Variants in TOGARAM2 observed in about 807,000 individuals in gnomAD.
The protein encoded by TOGARAM2 is TOG array regulator of axonemal microtubules protein 2.
Under a neutral mutation model 93.3 loss-of-function variants are expected in TOGARAM2, and 85 were observed. The ratio of observed to expected loss-of-function variants is 0.91; its 90% confidence interval spans 0.76 to 1.09. The LOEUF (loss-of-function observed/expected upper bound fraction) is 1.09, where lower values mean the gene tolerates loss of function less well. Ranked by LOEUF, TOGARAM2 falls within the 50% of genes least tolerant of loss-of-function variation. TOGARAM2 has a pLI of 0.00. For synonymous variants in TOGARAM2, 593 were observed against 552.8 expected (o/e 1.07, Z -1.02); for missense variants, 1,277 against 1,334.5 (o/e 0.96, Z 0.67).
chr2:29,014,316 A>C lies in TOGARAM2; in HGVS notation c.878-79A>C, dbSNP rs1375668423. 4.0e-6 allele frequency: 6 copies of C among 1,507,386 alleles called. No individual in the cohort carries two copies. The African/African-American group carries it at 6.9e-5, about 17-fold the overall frequency. 93.4% of individuals were successfully genotyped at this position (1,507,386 alleles called of 1,614,324 possible). A position where few individuals can be genotyped will look rare whatever the true frequency, so the allele number is the denominator to read the frequency against. On this transcript the variant is annotated intron_variant, in intron 7 of 19. Transcript: ENST00000379558. ...TTGAGGGTGTGGGGCTTAGCAGTAG[A>C]ATTGAGCCAGCCACAGGGTCAGTGA... is the stretch of plus-strand genomic sequence containing the variant.
intron 1 of TOGARAM2, among the ~76,000 whole-genome samples, chr2:28,983,183 T>TAAATAA (rs1195515581): frequency 8.6e-5 from 4 of 46,678 alleles, no homozygotes; most frequent in Non-Finnish European, 9.7e-5. Context: ...TATAAATATA[T>TAAATAA]ATATATATAT....
chr2:28,994,454 AC>A (rs1458151192), intron 1 of TOGARAM2, among the ~76,000 whole-genome samples: 1 of 152,058 alleles, frequency 6.6e-6, no homozygotes, highest in African/African-American at 2.4e-5. Flanking sequence ...TTTCCCCGCG[AC>A]CCTAAAGGTG....
chr2:29,006,353 T>C (rs1287622592), intron 6 of TOGARAM2, among the ~76,000 whole-genome samples: 1 of 132,720 alleles, frequency 7.5e-6, no homozygotes, highest in Non-Finnish European at 1.5e-5. Flanking sequence ...TGTGTATGTG[T>C]GAGTGCATGT....
intron 6 of TOGARAM2, among the ~76,000 whole-genome samples, chr2:29,005,347 A>C (rs111074308): frequency 3.9e-5 from 1 of 25,496 alleles, no homozygotes; most frequent in African/African-American, 5.8e-5. Context: ...GTGTGTGTGC[A>C]TGTGTGGAGC....
At chr2:28,983,216 T>TGTAGAGATGGG (rs1672308450) in intron 1 of TOGARAM2, among the ~76,000 whole-genome samples, 2 of 126,206 alleles carry the variant, frequency 1.6e-5, no homozygotes, top group Admixed American at 7.9e-5. Flanking sequence ...TTTTTTTTTT[T>TGTAGAGATGGG]TTTTTTTTTT....
At chr2:29,043,179 C>T (rs2148392852) in intron 18 of TOGARAM2, among the ~76,000 whole-genome samples, 1 of 152,334 alleles carries the variant, frequency 6.6e-6, no homozygotes, top group East Asian at 1.9e-4. Flanking sequence ...ACCCCGAGAC[C>T]TTATCTTGCT....
In TOGARAM2 at chr2:29,011,409, G is replaced by T. The variant is rs1470749670; in HGVS notation, c.831-46G>T. ...CCTGGGCTCCCCCAGCAGTGTCTCT[G>T]GCTGGCCATCCCTCATGATGCTTTT... is the stretch of plus-strand genomic sequence containing the variant. On this transcript the variant is annotated intron_variant, in intron 6 of 19. Coordinates refer to ENST00000379558, the MANE Select transcript of TOGARAM2 (RefSeq NM_199280.4). 6 of 1,596,216 alleles carry T rather than the reference G, an allele frequency of 3.8e-6. No homozygotes were observed. In the East Asian group the frequency reaches 1.1e-4, roughly 30 times the overall value.
At chr2:28,973,098 A>G (rs1671971940) in intron 1 of TOGARAM2, among the ~76,000 whole-genome samples, 1 of 152,028 alleles carries the variant, frequency 6.6e-6, no homozygotes, top group Admixed American at 6.6e-5. Flanking sequence ...CTGCACCTTC[A>G]CATCCTCTTT....
At position 28,994,840 on chromosome 2, in the gene TOGARAM2, C is replaced by T; in HGVS notation, c.6C>T (p.Gly2=). The change falls in exon 2 of 20, where the codon GGC becomes GGT. Residue 2 remains glycine (G), a synonymous_variant. Coordinates refer to ENST00000379558, the MANE Select transcript of TOGARAM2 (RefSeq NM_199280.4). M[G]TRDDVPEAKV... The stretch of plus-strand genomic sequence containing the variant: ...GCACCTTCTCCACCCAGGACATGGG[C>T]ACCCGTGACGATGTCCCCGAAGGTA... 6.4e-7 allele frequency: 1 copy of T among 1,552,592 alleles called. No individual in the cohort carries two copies. Among genetic ancestry groups the T allele is most frequent in the Non-Finnish European group, 8.7e-7 (1 of 1,147,424 alleles).
At position 29,002,509 on chromosome 2, in the gene TOGARAM2, T is replaced by A. The variant is rs1239479153; in HGVS notation, c.428-27T>A. The A allele has an allele frequency of 1.9e-6, 3 of 1,599,142 alleles. No homozygotes were observed. In the South Asian group the frequency reaches 3.3e-5, roughly 18 times the overall value. On this transcript the variant is annotated intron_variant, in intron 4 of 19. Coordinates refer to ENST00000379558, the MANE Select transcript of TOGARAM2 (RefSeq NM_199280.4). ...CACTCCCTGTTCTTCTGGGACTAAC[T>A]GATTTCCCATCCCCATCCCTGTACA...
intron 18 of TOGARAM2, among the ~76,000 whole-genome samples, chr2:29,039,447 A>AGATGGCACAGCCAAGTCGGGAG (rs1456333420): frequency 5.9e-5 from 9 of 152,336 alleles, no homozygotes; most frequent in African/African-American, 2.2e-4. Flanking sequence ...CATAAAGTCC[A>AGATGGCACAGCCAAGTCGGGAG]GATGGCACAG....
At chr2:29,027,575 A>G (rs937838001) in intron 14 of TOGARAM2, among the ~76,000 whole-genome samples, 1 of 150,486 alleles carries the variant, frequency 6.6e-6, no homozygotes, top group African/African-American at 2.4e-5. Context: ...ACTGGGCAAC[A>G]TAGTAAGATC....
At chr2:28,993,514 G>GCCC in intron 1 of TOGARAM2, among the ~76,000 whole-genome samples, 1 of 152,222 alleles carries the variant, frequency 6.6e-6, no homozygotes, top group Non-Finnish European at 1.5e-5. Context: ...TAGGAGAGGT[G>GCCC]CTGTGTCTCA....
chr2:29,035,033 C>T (rs939919771), intron 16 of TOGARAM2, among the ~76,000 whole-genome samples: 31 of 151,552 alleles, frequency 2.0e-4, no homozygotes, highest in African/African-American at 7.5e-4. Context: ...GCCTGTAATA[C>T]AAGCTACTTG....
At chr2:29,002,844 C>T (rs72786181) in intron 5 of TOGARAM2, 97 bp downstream of exon 5, 72,282 of 1,130,400 alleles carry the variant, frequency 0.064, 2,583 homozygotes, top group African/African-American at 0.12. Context: ...TGACTCCATG[C>T]CCTGAGCATC....
intron 6 of TOGARAM2, among the ~76,000 whole-genome samples, chr2:29,007,305 A>C (rs747874290): frequency 5.3e-5 from 8 of 152,152 alleles, no homozygotes; most frequent in Non-Finnish European, 8.8e-5. Context: ...TGCCACCATC[A>C]TGGCAACAAG....
intron 4 of TOGARAM2, among the ~76,000 whole-genome samples, chr2:29,000,360 G>A (rs1179751632): frequency 1.3e-5 from 2 of 151,958 alleles, no homozygotes; most frequent in Non-Finnish European, 2.9e-5. Flanking sequence ...CTGGCTCTGG[G>A]GCCTTGGGCA....
At chr2:28,975,942 T>C (rs1225613919) in intron 1 of TOGARAM2, among the ~76,000 whole-genome samples, 1 of 132,964 alleles carries the variant, frequency 7.5e-6, no homozygotes, top group African/African-American at 2.7e-5. Flanking sequence ...GGAGGCTTTT[T>C]AAAAAAATGA....
Position 28,999,217 on chromosome 2 carries a change from A to G in TOGARAM2, c.176A>G (p.Asn59Ser), listed in dbSNP as rs1673150752. 1.9e-6 allele frequency: 3 copies of G among 1,613,786 alleles called. No individual in the cohort carries two copies. In the East Asian group the frequency reaches 6.7e-5, roughly 36 times the overall value. Residue 59 changes from asparagine (N) to serine (S), a missense_variant, in exon 4 of 20, where the codon AAC (asparagine) becomes AGC (serine). Coordinates refer to ENST00000379558, the MANE Select transcript of TOGARAM2 (RefSeq NM_199280.4). Reference protein sequence around the residue: ...LQPEPRALLNNEEPSQLLRGL... With the variant: ...LQPEPRALLNSEEPSQLLRGL... Reference sequence around the variant, plus strand: ...CCTGAGCCAAGAGCCCTGCTGAACAACGAGGAACCGTCACAGCTCCTGCGT... The same window carrying G: ...CCTGAGCCAAGAGCCCTGCTGAACAGCGAGGAACCGTCACAGCTCCTGCGT...
Sources: gnomAD v4.1 joint callset for allele counts (sites outside exome capture counted in the v4.1 genomes callset) on GRCh38, gnomAD v4.1.1 for gene constraint, MANE v1.5 for transcripts, NCBI Gene and HGNC (gene_info 2026-07-23, HGNC 2026-07-21) for gene names.